PRCP: variants seen among roughly 807,000 people sequenced by gnomAD.
PRCP encodes the protein prolylcarboxypeptidase, also known as lysosomal Pro-X carboxypeptidase.
Under a neutral mutation model 54.2 loss-of-function variants are expected in PRCP, and 46 were observed. The observed-to-expected ratio is 0.85, with a 90% CI of 0.67 to 1.09. The LOEUF (loss-of-function observed/expected upper bound fraction) is 1.09. PRCP is among the 50% of genes least tolerant of loss of function. The pLI, the probability that PRCP is intolerant of heterozygous loss-of-function variation, is 0.00. For missense variants in PRCP, 613 were observed against 596.8 expected (o/e 1.03, Z -0.28); for synonymous variants, 240 against 212.2 (o/e 1.13, Z -1.14).
intron 1 of PRCP, among the ~76,000 whole-genome samples, chr11:82,876,799 G>A (rs1408174432): frequency 2.6e-5 from 4 of 152,092 alleles, no homozygotes; most frequent in African/African-American, 9.7e-5. Flanking sequence ...GCATGAAAAC[G>A]AACTAATACA....
Position 82,825,139 on chromosome 11 carries a change from G to A in PRCP, c.1275-17C>T, listed in dbSNP as rs1159285434. On this transcript the variant is annotated splice_polypyrimidine_tract_variant and intron_variant, in intron 8 of 8. Coordinates refer to ENST00000313010, the MANE Select transcript of PRCP (RefSeq NM_005040.4). ...TCACCATTGCTGCAAGTGAAAAAAA[G>A]AAGAAAAAATAAAGTTGTTAGTTTT... 6.3e-7 allele frequency: 1 copy of A among 1,596,786 alleles called. No individual in the cohort carries two copies. The highest frequency in any genetic ancestry group is 1.3e-5 in the African/African-American group (1 of 74,398).
intron 8 of PRCP, chr11:82,836,889 A>G (rs1858541708): frequency 5.1e-6 from 2 of 395,110 alleles, no homozygotes; most frequent in Non-Finnish European, 1.0e-5. Flanking sequence ...AAGTGGTTCT[A>G]CAGACGGTAA....
At chr11:82,841,261 A>G (rs1379635223) in intron 6 of PRCP, among the ~76,000 whole-genome samples, 4 of 147,354 alleles carry the variant, frequency 2.7e-5, no homozygotes, top group African/African-American at 1.0e-4. Context: ...ACCAGCTGCC[A>G]GCGGGGGAAA....
At chr11:82,893,048 C>G (rs1860039814) in intron 1 of PRCP, among the ~76,000 whole-genome samples, 1 of 152,182 alleles carries the variant, frequency 6.6e-6, no homozygotes, top group Admixed American at 6.5e-5. Flanking sequence ...AAAGCCAATA[C>G]TTTTTGTCTC....
chr11:82,878,314 G>A (rs1259117495), intron 1 of PRCP, among the ~76,000 whole-genome samples: 1 of 152,148 alleles, frequency 6.6e-6, no homozygotes, highest in Non-Finnish European at 1.5e-5. Flanking sequence ...GACTTTGGGG[G>A]ATTGCTAGGA....
chr11:82,878,186 T>C (rs1177749132), intron 1 of PRCP, among the ~76,000 whole-genome samples: 1 of 152,206 alleles, frequency 6.6e-6, no homozygotes, highest in Non-Finnish European at 1.5e-5. Flanking sequence ...ACCCACATTG[T>C]ATCTAGGAAG....
At chr11:82,857,473 T>C (rs533726799) in intron 2 of PRCP, among the ~76,000 whole-genome samples, 1 of 152,314 alleles carries the variant, frequency 6.6e-6, no homozygotes, top group South Asian at 2.1e-4. Context: ...AGCTGTTAGA[T>C]CTCCTTGCTA....
intron 3 of PRCP, 102 bp downstream of exon 3, chr11:82,853,075 G>T: frequency 1.4e-6 from 1 of 735,320 alleles, no homozygotes; most frequent in Non-Finnish European, 2.1e-6. Flanking sequence ...GAGCTTTTAG[G>T]CATTTCAAAT....
At chr11:82,869,010 T>C (rs1859410093) in intron 1 of PRCP, among the ~76,000 whole-genome samples, 1 of 152,040 alleles carries the variant, frequency 6.6e-6, no homozygotes, top group African/African-American at 2.4e-5. Flanking sequence ...CATTCCCACC[T>C]GGGTGACAGA....
Position 82,838,509 on chromosome 11 carries a change from T to C in PRCP, c.1152A>G (p.Ser384=), listed in dbSNP as rs1278297443. Residue 384 remains serine (S), a synonymous_variant, in exon 8 of 9, where the codon TCA becomes TCG. Transcript: ENST00000313010. ...CATCAGAAAGTTCCTTTAAGTTCCATGAGTGAGGTTCAAACATGTCATCGA... is the reference window on the plus strand; with the variant it reads ...CATCAGAAAGTTCCTTTAAGTTCCACGAGTGAGGTTCAAACATGTCATCGA... The part of the protein sequence containing the change: ...NGVDDMFEPH[S]WNLKELSDDC... The C allele has an allele frequency of 6.2e-7, 1 of 1,614,022 alleles. No individual in the cohort carries two copies. Among genetic ancestry groups the C allele is most frequent in the Non-Finnish European group, 8.5e-7 (1 of 1,179,980 alleles).
chr11:82,882,815 G>GA (rs1859781776), intron 1 of PRCP, among the ~76,000 whole-genome samples: 1 of 150,222 alleles, frequency 6.7e-6, no homozygotes, highest in Non-Finnish European at 1.5e-5. Flanking sequence ...TTAAAATACT[G>GA]AAATATTTCC....
At chr11:82,864,596 G>A (rs2121190638) in intron 1 of PRCP, among the ~76,000 whole-genome samples, 1 of 152,292 alleles carries the variant, frequency 6.6e-6, no homozygotes, top group South Asian at 2.1e-4. Flanking sequence ...TTGCAGTTTG[G>A]TTTATTGAAC....
At chr11:82,846,410 G>T (rs1858811264) in intron 6 of PRCP, among the ~76,000 whole-genome samples, 1 of 151,966 alleles carries the variant, frequency 6.6e-6, no homozygotes, top group Non-Finnish European at 1.5e-5. Flanking sequence ...GATGAAATTG[G>T]AAACAGAGGC....
intron 1 of PRCP, among the ~76,000 whole-genome samples, chr11:82,869,839 G>A (rs551973602): frequency 6.6e-6 from 1 of 152,336 alleles, no homozygotes; most frequent in Admixed American, 6.5e-5. Context: ...GTAGTTGGAT[G>A]TGCCTTTTGC....
intron 1 of PRCP, among the ~76,000 whole-genome samples, chr11:82,873,079 T>TA (rs397960059): frequency 6.8e-4 from 101 of 147,644 alleles, no homozygotes; most frequent in East Asian, 1.2e-3. Flanking sequence ...TTTTTTTTTT[T>TA]AAAAAAAAAG....
At chr11:82,893,310 G>A (rs903854769) in intron 1 of PRCP, among the ~76,000 whole-genome samples, 1 of 152,178 alleles carries the variant, frequency 6.6e-6, no homozygotes, top group African/African-American at 2.4e-5. Context: ...CATACATTTT[G>A]TTAGGTTAAG....
intron 6 of PRCP, 41 bp from the exon 7 acceptor site, chr11:82,839,466 T>G (rs1238432580): frequency 3.2e-6 from 5 of 1,550,908 alleles, no homozygotes; most frequent in Non-Finnish European, 3.5e-6. Context: ...AGTCAGAATA[T>G]GAATATAAAA....
At chr11:82,857,021 C>T (rs373240709) in intron 2 of PRCP, among the ~76,000 whole-genome samples, 87 of 114,874 alleles carry the variant, frequency 7.6e-4, no homozygotes, top group African/African-American at 2.9e-3. Context: ...GGCGACAGAG[C>T]GAGCCTCTGT....
chr11:82,888,537 T>C (rs1331699818), intron 1 of PRCP, among the ~76,000 whole-genome samples: 2 of 152,228 alleles, frequency 1.3e-5, no homozygotes, highest in African/African-American at 2.4e-5. Flanking sequence ...ACATTCCTCT[T>C]GTGTTCATTC....
Sources: allele counts gnomAD v4.1 joint callset (sites outside exome capture counted in the v4.1 genomes callset), GRCh38; gene constraint gnomAD v4.1.1; transcripts MANE v1.5; gene names NCBI Gene and HGNC (gene_info 2026-07-23, HGNC 2026-07-21).